The following SCN8A variants were observed in gnomAD, a reference collection of about 807,000 sequenced individuals.
SCN8A encodes the protein sodium channel protein type 8 subunit alpha.
SCN8A carries 30 observed loss-of-function variants against 184.1 expected under a neutral mutation model. The observed-to-expected ratio is 0.16, with a 90% confidence interval of 0.12 to 0.22. The LOEUF is 0.22. Ranked by LOEUF, SCN8A falls within the 10% of genes least tolerant of loss-of-function variation. SCN8A has a pLI of 1.00. For missense variants in SCN8A, 1,057 were observed against 2,498.9 expected (o/e 0.42, Z 12.30); for synonymous variants, 852 against 907.0 (o/e 0.94, Z 1.09).
chr12:51,797,460 C>T (rs1182786336), intron 26 of SCN8A, among the ~76,000 whole-genome samples: 1 of 152,178 alleles, frequency 6.6e-6, no homozygotes, highest in Non-Finnish European at 1.5e-5. Flanking sequence ...GTCACGTGGT[C>T]GTAGCTGGTA....
At chr12:51,682,509 GA>G (rs1384091117) in intron 2 of SCN8A, among the ~76,000 whole-genome samples, 1 of 152,234 alleles carries the variant, frequency 6.6e-6, no homozygotes, top group African/African-American at 2.4e-5. Flanking sequence ...GTGAGAGAGA[GA>G]CTTTTTAAGG....
rs117261833 is a variant in SCN8A, at chr12:51,689,385, C to T, written c.706+289C>T. 3.0e-3 allele frequency: 1,040 copies of T among 343,020 alleles called. 18 individuals carry two copies. In the East Asian group the frequency reaches 0.033, roughly 11 times the overall value. The allele number at this position is 343,020 out of a possible 1,614,324, so 21.2% of individuals were successfully genotyped here. A position where few individuals can be genotyped will look rare whatever the true frequency, so the allele number is the denominator to read the frequency against. On this transcript the variant is annotated intron_variant, in intron 6 of 26. Coordinates refer to ENST00000627620, the MANE Select transcript of SCN8A (RefSeq NM_001330260.2). The stretch of plus-strand genomic sequence containing the variant: ...AAAATTGTCACAGAGCTAGCTGTCT[C>T]TTTGTATATAAATCATTTGCTTCCT...
intron 12 of SCN8A, among the ~76,000 whole-genome samples, chr12:51,723,847 T>TAA (rs34404145): frequency 6.7e-6 from 1 of 148,986 alleles, no homozygotes; most frequent in Non-Finnish European, 1.5e-5. Context: ...GACTCCATCT[T>TAA]AAAAAAAAAA....
At chr12:51,761,740 C>T (rs191839968) in intron 14 of SCN8A, among the ~76,000 whole-genome samples, 21 of 152,088 alleles carry the variant, frequency 1.4e-4, no homozygotes, top group African/African-American at 5.1e-4. Context: ...CTGCCTGCCT[C>T]GACCACCAGA....
chr12:51,740,818 T>G (rs1027499433), intron 12 of SCN8A, among the ~76,000 whole-genome samples: 1 of 152,200 alleles, frequency 6.6e-6, no homozygotes, highest in Admixed American at 6.5e-5. Context: ...AAGGTCTTGC[T>G]CTGTTATCCA....
At chr12:51,633,229 ATGTG>A (rs1940238003) in intron 1 of SCN8A, among the ~76,000 whole-genome samples, 2 of 152,290 alleles carry the variant, frequency 1.3e-5, no homozygotes, top group South Asian at 4.1e-4. Context: ...CAGCACTGGT[ATGTG>A]TGTGCATACT....
intron 1 of SCN8A, among the ~76,000 whole-genome samples, chr12:51,632,166 T>A (rs1309726698): frequency 1.3e-5 from 2 of 152,216 alleles, no homozygotes; most frequent in Non-Finnish European, 2.9e-5. Flanking sequence ...GAAGAATTTC[T>A]TCTCAAAAAA....
At chr12:51,646,255 A>G (rs1218118162) in intron 1 of SCN8A, among the ~76,000 whole-genome samples, 1 of 152,234 alleles carries the variant, frequency 6.6e-6, no homozygotes, top group Non-Finnish European at 1.5e-5. Context: ...TAACTATACA[A>G]GAAGTAGAGA....
intron 12 of SCN8A, among the ~76,000 whole-genome samples, chr12:51,733,543 T>A (rs1942277459): frequency 1.3e-5 from 2 of 152,186 alleles, no homozygotes; most frequent in African/African-American, 4.8e-5. Context: ...TTTTTGATAT[T>A]TCCATGTCTG....
intron 21 of SCN8A, among the ~76,000 whole-genome samples, chr12:51,782,885 G>A (rs1592160561): frequency 6.6e-6 from 1 of 152,210 alleles, no homozygotes; most frequent in African/African-American, 2.4e-5. Context: ...AAGTAGTTTA[G>A]GAGCTTGGAG....
intron 1 of SCN8A, among the ~76,000 whole-genome samples, chr12:51,609,665 A>G (rs910661062): frequency 1.3e-5 from 2 of 152,122 alleles, no homozygotes; most frequent in Non-Finnish European, 2.9e-5. Context: ...AGAGGCAGAC[A>G]GATCACCTGA....
chr12:51,750,294 A>G (rs189351177), intron 13 of SCN8A, among the ~76,000 whole-genome samples: 1 of 152,310 alleles, frequency 6.6e-6, no homozygotes, highest in Admixed American at 6.5e-5. Flanking sequence ...TTGTTTGACA[A>G]TAACACTTTC....
intron 1 of SCN8A, among the ~76,000 whole-genome samples, chr12:51,616,731 C>T (rs1475185123): frequency 6.6e-6 from 1 of 151,762 alleles, no homozygotes; most frequent in Non-Finnish European, 1.5e-5. Flanking sequence ...ACAGGCTGGG[C>T]AACATAGGGA....
intron 16 of SCN8A, among the ~76,000 whole-genome samples, chr12:51,766,589 C>G (rs929809737): frequency 2.0e-5 from 3 of 152,214 alleles, no homozygotes; most frequent in Non-Finnish European, 1.5e-5. Flanking sequence ...AGCCACTGCT[C>G]TAAACCATCT....
chr12:51,765,331 C>T (rs1942822091), intron 15 of SCN8A, among the ~76,000 whole-genome samples: 1 of 151,918 alleles, frequency 6.6e-6, no homozygotes. Flanking sequence ...TTCACTTGTC[C>T]TGTGAGAAGT....
intron 18 of SCN8A, 87 bp from the exon 19 acceptor site, chr12:51,770,442 C>A: frequency 3.5e-6 from 5 of 1,410,218 alleles, no homozygotes; most frequent in Non-Finnish European, 4.8e-6. Flanking sequence ...TGGGGCAGCA[C>A]CTGGCAGGGC....
chr12:51,629,967 A>G (rs941792622), intron 1 of SCN8A, among the ~76,000 whole-genome samples: 3 of 152,268 alleles, frequency 2.0e-5, no homozygotes, highest in South Asian at 4.1e-4. Flanking sequence ...GTGCAATTCT[A>G]TGGTGGAGGA....
At chr12:51,720,019 T>C (rs1276737674) in intron 11 of SCN8A, among the ~76,000 whole-genome samples, 1 of 136,228 alleles carries the variant, frequency 7.3e-6, no homozygotes, top group African/African-American at 2.8e-5. Context: ...GAGCTTGCAG[T>C]GAGCCGAGAT....
intron 1 of SCN8A, among the ~76,000 whole-genome samples, chr12:51,660,756 A>G (rs1468149950): frequency 6.6e-6 from 1 of 152,158 alleles, no homozygotes; most frequent in Non-Finnish European, 1.5e-5. Context: ...AATACCAGCA[A>G]GGTGCTTGGA....
Sources: allele counts gnomAD v4.1 joint callset (sites outside exome capture counted in the v4.1 genomes callset), GRCh38; gene constraint gnomAD v4.1.1; transcripts MANE v1.5; gene names NCBI Gene and HGNC (gene_info 2026-07-23, HGNC 2026-07-21).